DNAH5: variants seen among roughly 807,000 people sequenced by gnomAD.
DNAH5 encodes axonemal beta dynein heavy chain 5.
Under a neutral mutation model 518.2 loss-of-function variants are expected in DNAH5, and 372 were observed. That is an observed-to-expected ratio of 0.72 (90% CI 0.66 to 0.78). The LOEUF (loss-of-function observed/expected upper bound fraction) is 0.78, where lower values mean the gene tolerates loss of function less well. Among genes scored for constraint, DNAH5 ranks in the 30% least tolerant of loss-of-function variants. The pLI, the probability that DNAH5 is intolerant of heterozygous loss-of-function variation, is 0.00. For synonymous variants in DNAH5, 2,039 were observed against 2,025.9 expected (o/e 1.01, Z -0.17); for missense variants, 5,523 against 5,687.0 (o/e 0.97, Z 0.93).
intron 1 of DNAH5, among the ~76,000 whole-genome samples, chr5:14,009,800 T>A (rs1379466717): frequency 6.6e-6 from 1 of 152,206 alleles, no homozygotes; most frequent in African/African-American, 2.4e-5. Context: ...AAACAGTGTT[T>A]ACAAAGATGT....
At chr5:13,776,758 T>C in intron 54 of DNAH5, 52 bp from the exon 55 acceptor site, 1 of 1,591,386 alleles carries the variant, frequency 6.3e-7, no homozygotes, top group Non-Finnish European at 8.6e-7. Context: ...GGAAAATAGA[T>C]CAAAATGTAG....
chr5:13,694,036 T>C (rs1211532270), intron 78 of DNAH5, among the ~76,000 whole-genome samples: 1 of 152,240 alleles, frequency 6.6e-6, no homozygotes, highest in Non-Finnish European at 1.5e-5. Context: ...TCTTTAAACA[T>C]GTAAAACATA....
intron 16 of DNAH5, among the ~76,000 whole-genome samples, chr5:13,893,943 G>A (rs578241131): frequency 1.2e-4 from 18 of 150,610 alleles, no homozygotes; most frequent in African/African-American, 3.7e-4. Flanking sequence ...CCATTACCAC[G>A]TTCCAAACTG....
In DNAH5 at chr5:13,721,148, G is replaced by A; in HGVS notation, c.12131C>T (p.Pro4044Leu). 1 of 1,614,106 alleles carries A rather than the reference G, an allele frequency of 6.2e-7. No individual in the cohort carries two copies. The highest frequency in any genetic ancestry group is 1.3e-5 in the African/African-American group (1 of 75,038). The change falls in exon 71 of 79, where the codon CCA becomes CTA. Residue 4044 changes from proline (P) to leucine (L), a missense_variant. Transcript: ENST00000265104. ...GCCCATAGACAGGAGACAGATGAGT[G>A]GCGTCCGTGGATCAGATTCCTCCCA... ...KTWEESDPRTPLICLLSMGSD... is the reference protein window; with the variant it reads ...KTWEESDPRTLLICLLSMGSD...
chr5:13,738,878 C>A (rs1747981676), intron 65 of DNAH5, among the ~76,000 whole-genome samples: 1 of 152,010 alleles, frequency 6.6e-6, no homozygotes, highest in African/African-American at 2.4e-5. Context: ...TAAAATGAAA[C>A]TTATGTATTA....
chr5:13,985,870 G>A lies in DNAH5; in HGVS notation c.12+25778C>T, dbSNP rs575747449. Among the ~76,000 whole-genome samples, 47 of 152,290 alleles carry A rather than the reference G, an allele frequency of 3.1e-4. 2 individuals are homozygous for A. The highest frequency in any genetic ancestry group is 9.1e-4 in the African/African-American group (38 of 41,564). ...CCCTAACCCTGTCCACAAATGGCCC[G>A]GGCTCTGTGCCAATGACTAATCTCC... On this transcript the variant is annotated intron_variant, in intron 1 of 78. Transcript: ENST00000681290.
intron 12 of DNAH5, among the ~76,000 whole-genome samples, chr5:13,906,343 T>C (rs1345864893): frequency 3.9e-5 from 6 of 152,178 alleles, no homozygotes; most frequent in South Asian, 2.1e-4. Context: ...GGGGAGGCTA[T>C]GCATTCTGGG....
intron 49 of DNAH5, 115 bp downstream of exon 49, chr5:13,793,400 G>A: frequency 1.2e-6 from 1 of 836,936 alleles, no homozygotes; most frequent in East Asian, 2.4e-5. Flanking sequence ...GGAGGCTGTA[G>A]ACCAAGGAGC....
intron 78 of DNAH5, among the ~76,000 whole-genome samples, chr5:13,692,760 A>G (rs1231540453): frequency 6.6e-6 from 1 of 152,148 alleles, no homozygotes; most frequent in Non-Finnish European, 1.5e-5. Flanking sequence ...TTCCAAAATG[A>G]CACTGCAATG....
intron 59 of DNAH5, among the ~76,000 whole-genome samples, chr5:13,764,087 C>T (rs898709212): frequency 6.6e-6 from 1 of 152,130 alleles, no homozygotes; most frequent in Admixed American, 6.5e-5. Context: ...GCTGAATTCA[C>T]AACTTGGGAA....
At chr5:13,998,714 TC>T (rs1190789166) in intron 1 of DNAH5, among the ~76,000 whole-genome samples, 1 of 152,258 alleles carries the variant, frequency 6.6e-6, no homozygotes, top group Non-Finnish European at 1.5e-5. Context: ...CCTAGCATAT[TC>T]TTTCTGAGAG....
intron 12 of DNAH5, among the ~76,000 whole-genome samples, chr5:13,902,856 G>T (rs1004727821): frequency 4.6e-5 from 7 of 151,726 alleles, no homozygotes; most frequent in East Asian, 1.9e-4. Context: ...TAGGACCACA[G>T]AATTCAAGAA....
intron 30 of DNAH5, among the ~76,000 whole-genome samples, chr5:13,857,714 C>A (rs1767826984): frequency 6.6e-6 from 1 of 152,116 alleles, no homozygotes; most frequent in African/African-American, 2.4e-5. Context: ...CACCACACAT[C>A]TACAAACATC....
In DNAH5 at chr5:13,894,817, A is replaced by G. The variant is rs1324029394; in HGVS notation, c.2264T>C (p.Met755Thr). ...YKRNFSNMKM[M>T]LAEYQRVKSK... ...CTTCACTCTCTGATATTCAGCTAGCATCATCTGCAATGAAATTGGGGTTAA... is the reference window on the plus strand; with the variant it reads ...CTTCACTCTCTGATATTCAGCTAGCGTCATCTGCAATGAAATTGGGGTTAA... The change falls in exon 16 of 79, where the codon ATG (methionine) becomes ACG (threonine). Residue 755 changes from methionine to threonine, a missense_variant. Met to Thr is a moderately conservative substitution (Grantham distance 81, BLOSUM62 -1). Transcript: ENST00000265104. 12 of 1,613,410 alleles carry G rather than the reference A, an allele frequency of 7.4e-6. No individual in the cohort carries two copies. The highest frequency in any genetic ancestry group is 2.2e-5 in the South Asian group (2 of 91,084).
Position 13,691,934 on chromosome 5 carries a change from A to G in DNAH5, c.*50T>C, listed in dbSNP as rs372688121. 2.5e-6 allele frequency: 4 copies of G among 1,611,344 alleles called. No individual in the cohort carries two copies. The South Asian group carries it at 3.3e-5, about 13-fold the overall frequency. ...TCATACAGAAATAAAGGTTACAATA[A>G]TTTAGATCTTGCATTTTCCAAAGCA... On this transcript the variant is annotated 3_prime_UTR_variant, in exon 79 of 79. Coordinates refer to ENST00000265104, the MANE Select transcript of DNAH5 (RefSeq NM_001369.3).
At chr5:13,904,843 C>T (rs1346238142) in intron 12 of DNAH5, among the ~76,000 whole-genome samples, 2 of 151,796 alleles carry the variant, frequency 1.3e-5, no homozygotes, top group Non-Finnish European at 2.9e-5. Flanking sequence ...CCCAGCAGAT[C>T]GAGGCTGCTG....
chr5:13,718,456 T>G (rs116681162), intron 72 of DNAH5, among the ~76,000 whole-genome samples: 83 of 152,340 alleles, frequency 5.4e-4, no homozygotes, highest in African/African-American at 1.9e-3. Flanking sequence ...GGGCCTGAGT[T>G]TGCTGCCACT....
At chr5:13,728,995 G>T (rs115542432) in intron 69 of DNAH5, among the ~76,000 whole-genome samples, 4,073 of 152,226 alleles carry the variant, frequency 0.027, 77 homozygotes, top group Middle Eastern at 0.048. Flanking sequence ...ATAATGGGAA[G>T]GGCAGGAGAG....
chr5:13,802,978 T>C (rs1759008669), intron 47 of DNAH5, among the ~76,000 whole-genome samples: 1 of 151,386 alleles, frequency 6.6e-6, no homozygotes, highest in African/African-American at 2.4e-5. Flanking sequence ...ATTAATGATA[T>C]AATATATATG....
Sources: allele counts gnomAD v4.1 joint callset (sites outside exome capture counted in the v4.1 genomes callset), GRCh38; gene constraint gnomAD v4.1.1; transcripts MANE v1.5; gene names NCBI Gene and HGNC (gene_info 2026-07-23, HGNC 2026-07-21).